Variants in MTA3 observed in about 807,000 individuals in gnomAD.
The protein encoded by MTA3 is metastasis-associated protein MTA3.
Under a neutral mutation model 83.5 loss-of-function variants are expected in MTA3, and 34 were observed. That is an observed-to-expected ratio of 0.41 (90% CI 0.31 to 0.54). The LOEUF is 0.54. MTA3 is among the 20% of genes least tolerant of loss of function. The probability of loss-of-function intolerance (pLI) is 0.33; values close to 1 mark genes in which losing one functional copy is unlikely to be tolerated. For missense variants in MTA3, 761 were observed against 726.4 expected, an observed-to-expected ratio of 1.05 and a Z score of -0.55; for synonymous variants, 303 against 252.7, an observed-to-expected ratio of 1.20 and a Z score of -1.89.
chr2:42,544,553 C>G (rs7564498), intron 2 of MTA3, among the ~76,000 whole-genome samples: 1 of 124,028 alleles, frequency 8.1e-6, no homozygotes, highest in African/African-American at 2.9e-5. Context: ...TTTTTTTTTT[C>G]TTTGAGACAG....
intron 12 of MTA3, 145 bp from the exon 13 acceptor site, chr2:42,707,758 A>G: frequency 1.2e-6 from 1 of 846,962 alleles, no homozygotes; most frequent in South Asian, 2.3e-5. Context: ...AAAAACAAAT[A>G]TACTATTATG....
intron 3 of MTA3, among the ~76,000 whole-genome samples, chr2:42,601,064 G>A (rs775285919): frequency 5.3e-5 from 8 of 151,896 alleles, no homozygotes; most frequent in Non-Finnish European, 8.8e-5. Flanking sequence ...GCGCCTCCAC[G>A]TCCGGCTAAT....
intron 4 of MTA3, among the ~76,000 whole-genome samples, chr2:42,616,964 G>A (rs1161241432): frequency 6.6e-6 from 1 of 152,098 alleles, no homozygotes; most frequent in Non-Finnish European, 1.5e-5. Context: ...CTCACACTCT[G>A]AGCAAGGGTG....
intron 2 of MTA3, among the ~76,000 whole-genome samples, chr2:42,535,185 G>GT (rs747207282): frequency 1.3e-5 from 2 of 151,844 alleles, no homozygotes; most frequent in Non-Finnish European, 2.9e-5. Flanking sequence ...TCAGGAGTTC[G>GT]AGACCAGCCT....
intron 3 of MTA3, among the ~76,000 whole-genome samples, chr2:42,604,773 T>G (rs1271083665): frequency 1.8e-4 from 27 of 147,626 alleles, no homozygotes; most frequent in Middle Eastern, 3.5e-3. Context: ...AGATTAGGGA[T>G]TGGTGATGAC....
chr2:42,755,023 G>C lies in MTA3; in HGVS notation c.*1624G>C. 1 of 985,684 alleles carries C rather than the reference G, an allele frequency of 1.0e-6. No homozygotes were observed. Among genetic ancestry groups the C allele is most frequent in the Non-Finnish European group, 1.2e-6 (1 of 830,188 alleles). 61.1% of individuals were successfully genotyped at this position (985,684 alleles called of 1,614,324 possible). A position where few individuals can be genotyped will look rare whatever the true frequency, so the allele number is the denominator to read the frequency against. On this transcript the variant is annotated 3_prime_UTR_variant, in exon 17 of 17. Coordinates refer to ENST00000405094, the MANE Select transcript of MTA3 (RefSeq NM_001330442.2). ...CTGGGTCTTGGCTTGGGGCGCTGAG[G>C]GTGGGGCCTGTGTCAGAAGCATTTG... is the stretch of plus-strand genomic sequence containing the variant.
chr2:42,681,101 G>T (rs1356309207), intron 8 of MTA3, among the ~76,000 whole-genome samples: 4 of 152,160 alleles, frequency 2.6e-5, no homozygotes, highest in African/African-American at 9.7e-5. Context: ...CTCGGGCCCA[G>T]GAGTTCAACG....
At chr2:42,627,088 T>G (rs1244218143) in intron 4 of MTA3, among the ~76,000 whole-genome samples, 4 of 152,222 alleles carry the variant, frequency 2.6e-5, no homozygotes, top group Non-Finnish European at 4.4e-5. Flanking sequence ...TTCTTTTTTT[T>G]TCCTTTAGCA....
At chr2:42,713,949 A>C (rs947100334) in intron 14 of MTA3, among the ~76,000 whole-genome samples, 1 of 152,194 alleles carries the variant, frequency 6.6e-6, no homozygotes, top group South Asian at 2.1e-4. Flanking sequence ...TAAAAGTTAA[A>C]GTTGGGGCCA....
chr2:42,662,370 AT>A (rs1689801504), intron 8 of MTA3, among the ~76,000 whole-genome samples: 1 of 151,420 alleles, frequency 6.6e-6, no homozygotes, highest in African/African-American at 2.4e-5. Context: ...GTTTTTTCTA[AT>A]GGTTTTAAAG....
At chr2:42,678,023 T>C (rs565422624) in intron 8 of MTA3, among the ~76,000 whole-genome samples, 21 of 152,342 alleles carry the variant, frequency 1.4e-4, no homozygotes, top group Non-Finnish European at 2.6e-4. Context: ...TGTAGAAGTG[T>C]GTAAAAGTAC....
chr2:42,506,587 CG>C (rs1001849478), intron 2 of MTA3, among the ~76,000 whole-genome samples: 1 of 151,458 alleles, frequency 6.6e-6, no homozygotes, highest in Non-Finnish European at 1.5e-5. Flanking sequence ...GAGGTGTAGG[CG>C]GGGGGTAACG....
chr2:42,626,400 C>T (rs1256916734), intron 4 of MTA3, among the ~76,000 whole-genome samples: 15 of 151,784 alleles, frequency 9.9e-5, no homozygotes, highest in Non-Finnish European at 1.8e-4. Flanking sequence ...TGGGCTCAAG[C>T]GATTCTCCTG....
At chr2:42,633,860 A>T (rs1319127862) in intron 4 of MTA3, among the ~76,000 whole-genome samples, 1 of 151,394 alleles carries the variant, frequency 6.6e-6, no homozygotes, top group African/African-American at 2.4e-5. Context: ...CTGCACTCCA[A>T]CCTGGGCGAC....
chr2:42,697,860 A>G, intron 11 of MTA3, 26 bp downstream of exon 11: 1 of 1,457,538 alleles, frequency 6.9e-7, no homozygotes, highest in Non-Finnish European at 9.2e-7. Flanking sequence ...CTTTTAAAAT[A>G]TTTGTTTTGG....
At chr2:42,725,036 A>G (rs930737508) in intron 16 of MTA3, among the ~76,000 whole-genome samples, 1 of 152,170 alleles carries the variant, frequency 6.6e-6, no homozygotes, top group African/African-American at 2.4e-5. Flanking sequence ...CTTCTTTAAG[A>G]CCCATTTGTG....
At chr2:42,598,211 T>C (rs1682080281) in intron 3 of MTA3, among the ~76,000 whole-genome samples, 1 of 152,112 alleles carries the variant, frequency 6.6e-6, no homozygotes, top group African/African-American at 2.4e-5. Flanking sequence ...TAGCTGGGAC[T>C]ATTGCCACCA....
intron 2 of MTA3, among the ~76,000 whole-genome samples, chr2:42,540,286 G>A (rs1676462892): frequency 6.8e-6 from 1 of 147,082 alleles, no homozygotes; most frequent in African/African-American, 2.5e-5. Context: ...TGACTCTCCT[G>A]CCTTAGCCTC....
At chr2:42,497,707 C>T (rs1330682135) in intron 2 of MTA3, among the ~76,000 whole-genome samples, 1 of 152,140 alleles carries the variant, frequency 6.6e-6, no homozygotes, top group East Asian at 1.9e-4. Context: ...TTCAGTTTTT[C>T]TCCTCCGTAG....
Sources: gnomAD v4.1 joint callset for allele counts (sites outside exome capture counted in the v4.1 genomes callset) on GRCh38, gnomAD v4.1.1 for gene constraint, MANE v1.5 for transcripts, NCBI Gene and HGNC (gene_info 2026-07-23, HGNC 2026-07-21) for gene names.